Variants in AGTPBP1 observed in about 807,000 individuals in gnomAD.
AGTPBP1 encodes ATP/GTP binding carboxypeptidase 1.
Under a neutral mutation model 143.9 loss-of-function variants are expected in AGTPBP1, and 70 were observed. The ratio of observed to expected loss-of-function variants is 0.49; its 90% confidence interval spans 0.40 to 0.59. The LOEUF (loss-of-function observed/expected upper bound fraction) is 0.59. Among genes scored for constraint, AGTPBP1 ranks in the 20% least tolerant of loss-of-function variants. AGTPBP1 has a pLI of 0.00. For missense variants in AGTPBP1, 1,229 were observed against 1,464.5 expected, an observed-to-expected ratio of 0.84 and a Z score of 2.62; for synonymous variants, 463 against 500.2, an observed-to-expected ratio of 0.93 and a Z score of 0.99.
rs146722828 is a variant in AGTPBP1, at chr9:85,719,149, C to A, written c.-33-6583G>T. The stretch of plus-strand genomic sequence containing the variant: ...TTGGCTTAGGATTGTCTTGGCTATG[C>A]GGGCTTTTTGGTTCCATATGAACTT... On this transcript the variant is annotated intron_variant, in intron 1 of 25. Coordinates refer to ENST00000357081, the MANE Select transcript of AGTPBP1 (RefSeq NM_001330701.2). Among the ~76,000 whole-genome samples the A allele has an allele frequency of 2.6e-3, 391 of 151,690 alleles. 1 individual carries two copies. The Middle Eastern group carries it at 0.048, about 18-fold the overall frequency.
At chr9:85,697,841 G>C (rs994889440) in intron 2 of AGTPBP1, among the ~76,000 whole-genome samples, 2 of 152,040 alleles carry the variant, frequency 1.3e-5, no homozygotes, top group African/African-American at 4.8e-5. Context: ...AATAGAAAAA[G>C]GTTCTAAAGC....
chr9:85,753,312 C>T, the AGTPBP1 span: 1 of 1,613,738 alleles, frequency 6.2e-7, no homozygotes, highest in Non-Finnish European at 8.5e-7. Flanking sequence ...ATAGGAACTA[C>T]AATTAAAAAC....
chr9:85,709,639 T>C (rs1048722822), intron 2 of AGTPBP1, among the ~76,000 whole-genome samples: 1 of 152,094 alleles, frequency 6.6e-6, no homozygotes, highest in African/African-American at 2.4e-5. Flanking sequence ...AAGAGATGAA[T>C]GAGAGAAAAC....
At chr9:85,793,349 G>T in the AGTPBP1 span, 8 of 152,112 alleles carry the variant, frequency 5.3e-5, no homozygotes, top group African/African-American at 1.7e-4. Context: ...CAAATAAAAA[G>T]AAATCAGTCC....
chr9:85,741,668 C>T (rs1383520965), intron 1 of AGTPBP1, 107 bp downstream of exon 1: 12 of 1,254,268 alleles, frequency 9.6e-6, no homozygotes, highest in African/African-American at 1.6e-5. Flanking sequence ...CGCAGGGATC[C>T]GGGGTCGCCC....
chr9:85,748,042 C>T, the AGTPBP1 span, among the ~76,000 whole-genome samples: 3 of 152,026 alleles, frequency 2.0e-5, no homozygotes, highest in African/African-American at 4.8e-5. Context: ...CCTTTTGTAA[C>T]CAAACTTCTT....
At chr9:85,618,551 C>T (rs866103165) in intron 17 of AGTPBP1, among the ~76,000 whole-genome samples, 2 of 151,654 alleles carry the variant, frequency 1.3e-5, no homozygotes, top group Admixed American at 1.3e-4. Context: ...GGGGTTTATT[C>T]CACACTTTTT....
Position 85,585,555 on chromosome 9 carries a change from C to T in AGTPBP1, c.3073G>A (p.Val1025Ile). 1 of 1,608,828 alleles carries T rather than the reference C, an allele frequency of 6.2e-7. No homozygotes were observed. Among genetic ancestry groups the T allele is most frequent in the Non-Finnish European group, 8.5e-7 (1 of 1,177,734 alleles). ...DYHGHSRKKN[V>I]FMYGCSIKET... ...TTGATGCTGCAACCATACATAAATACATTCTTCTTTCGGGAATGGCCATGA... is the reference window on the plus strand; with the variant it reads ...TTGATGCTGCAACCATACATAAATATATTCTTCTTTCGGGAATGGCCATGA... Residue 1025 changes from valine to isoleucine, a missense_variant, in exon 23 of 26, where the codon GTA becomes ATA. Val to Ile is a conservative substitution (Grantham distance 29). Coordinates refer to ENST00000357081, the MANE Select transcript of AGTPBP1 (RefSeq NM_001330701.2).
At chr9:85,659,268 T>G (rs1833714666) in intron 9 of AGTPBP1, among the ~76,000 whole-genome samples, 1 of 152,148 alleles carries the variant, frequency 6.6e-6, no homozygotes, top group Admixed American at 6.6e-5. Context: ...CCTATGTCTC[T>G]TCTTCCCTCT....
At chr9:85,798,033 C>T in the AGTPBP1 span, among the ~76,000 whole-genome samples, 9 of 151,896 alleles carry the variant, frequency 5.9e-5, no homozygotes, top group African/African-American at 1.9e-4. Flanking sequence ...GTTGGGAATA[C>T]AGGCATGTGC....
At chr9:85,634,929 G>A (rs751778114) in intron 13 of AGTPBP1, among the ~76,000 whole-genome samples, 2 of 151,806 alleles carry the variant, frequency 1.3e-5, no homozygotes, top group African/African-American at 2.4e-5. Context: ...TCTCTTCTTT[G>A]CCAACATTCG....
chr9:85,557,714 G>T (rs954014447), intron 25 of AGTPBP1, among the ~76,000 whole-genome samples: 1 of 152,130 alleles, frequency 6.6e-6, no homozygotes, highest in African/African-American at 2.4e-5. Context: ...ATTTAGCCAA[G>T]AATTACCTAT....
In AGTPBP1 at chr9:85,741,855, C is replaced by T. The variant is rs1366686366; in HGVS notation, c.-114G>A. ...CACCTGGATCACGGCGGATCCCTCGCCGCCCGCCGCCCGGTGTTTTCATAC... is the reference window on the plus strand; with the variant it reads ...CACCTGGATCACGGCGGATCCCTCGTCGCCCGCCGCCCGGTGTTTTCATAC... On this transcript the variant is annotated 5_prime_UTR_variant, in exon 1 of 26. Coordinates refer to ENST00000357081, the MANE Select transcript of AGTPBP1 (RefSeq NM_001330701.2). 2 of 1,397,368 alleles carry T rather than the reference C, an allele frequency of 1.4e-6. No homozygotes were observed. The highest frequency in any genetic ancestry group is 1.9e-6 in the Non-Finnish European group (2 of 1,077,236). The allele number at this position is 1,397,368 out of a possible 1,614,324, so 86.6% of individuals were successfully genotyped here.
the AGTPBP1 span, among the ~76,000 whole-genome samples, chr9:85,748,029 C>A: frequency 5.6e-4 from 85 of 151,832 alleles, no homozygotes; most frequent in African/African-American, 2.0e-3. Flanking sequence ...CCTTTCTTAC[C>A]TCCCTTTTGT....
chr9:85,599,816 G>A (rs1311150536), intron 17 of AGTPBP1, among the ~76,000 whole-genome samples: 3 of 152,022 alleles, frequency 2.0e-5, no homozygotes, highest in Admixed American at 6.5e-5. Context: ...GATGTCCACT[G>A]GCTTCCAGTG....
intron 14 of AGTPBP1, among the ~76,000 whole-genome samples, chr9:85,632,080 T>TA (rs1182659048): frequency 2.0e-5 from 3 of 152,048 alleles, no homozygotes; most frequent in African/African-American, 7.2e-5. Flanking sequence ...TACTTTTTTT[T>TA]AGTACATAGT....
intron 25 of AGTPBP1, among the ~76,000 whole-genome samples, chr9:85,553,448 T>G (rs1054381328): frequency 5.3e-5 from 8 of 152,224 alleles, no homozygotes; most frequent in Non-Finnish European, 1.0e-4. Context: ...GGCTACTGTT[T>G]AAGTGTTCTG....
At chr9:85,555,425 C>A (rs1277757354) in intron 25 of AGTPBP1, among the ~76,000 whole-genome samples, 1 of 152,016 alleles carries the variant, frequency 6.6e-6, no homozygotes, top group African/African-American at 2.4e-5. Context: ...TGGTGAAACC[C>A]CCGTCTCTAT....
chr9:85,753,483 T>C, the AGTPBP1 span: 1 of 1,594,672 alleles, frequency 6.3e-7, no homozygotes, highest in Non-Finnish European at 8.6e-7. Flanking sequence ...TAAATAGAGG[T>C]AAACTCACAC....
Sources: gnomAD v4.1 joint callset for allele counts (sites outside exome capture counted in the v4.1 genomes callset) on GRCh38, gnomAD v4.1.1 for gene constraint, MANE v1.5 for transcripts, NCBI Gene and HGNC (gene_info 2026-07-23, HGNC 2026-07-21) for gene names.